OLFM1: variants seen among roughly 807,000 people sequenced by gnomAD.
OLFM1 encodes noelin.
In OLFM1, 9 loss-of-function variants were observed where a neutral mutation model predicts 49.7. The observed-to-expected ratio is 0.18, with a 90% CI of 0.11 to 0.32. OLFM1 has a LOEUF of 0.32. Ranked by LOEUF, OLFM1 falls within the 10% of genes least tolerant of loss-of-function variation. The probability of loss-of-function intolerance (pLI) is 1.00; values close to 1 mark genes in which losing one functional copy is unlikely to be tolerated. For missense variants in OLFM1, 369 were observed against 661.8 expected (o/e 0.56, Z 4.85); for synonymous variants, 240 against 271.8 (o/e 0.88, Z 1.15).
chr9:135,107,160 G>A (rs1830957302), intron 5 of OLFM1, among the ~76,000 whole-genome samples: 2 of 69,336 alleles, frequency 2.9e-5, no homozygotes, highest in Non-Finnish European at 6.2e-5. Flanking sequence ...GCTGGGCTGG[G>A]CTGGGCTGGG....
chr9:135,081,426 G>A (rs1588201155), intron 1 of OLFM1, among the ~76,000 whole-genome samples: 2 of 152,088 alleles, frequency 1.3e-5, no homozygotes, highest in Admixed American at 6.5e-5. Flanking sequence ...ACACGTGCAC[G>A]GCCGGCTGCT....
chr9:135,090,437 G>C, intron 2 of OLFM1, 93 bp downstream of exon 2: 2 of 1,341,356 alleles, frequency 1.5e-6, no homozygotes, highest in Non-Finnish European at 2.0e-6. Flanking sequence ...CCAGCACCAA[G>C]GCTTGGCTAG....
In OLFM1 at chr9:135,077,608, C is replaced by T. The variant is rs1009475419; in HGVS notation, c.96+1806C>T. On this transcript the variant is annotated intron_variant, in intron 1 of 5. Transcript: ENST00000252854. ...CCACCTTCAGGACCCTGGTCAGCTC[C>T]GCCAGCCCACAGCCTCCGCGGGTCA... Among the ~76,000 whole-genome samples, 9 of 152,300 alleles carry T rather than the reference C, an allele frequency of 5.9e-5. No individual in the cohort carries two copies. In the East Asian group the frequency reaches 9.7e-4, roughly 16 times the overall value.
rs749817369 is a variant in OLFM1, at chr9:135,113,089, C to G, written c.783+6234C>G. ...CGTGCACGCTTCCTAATGCACAGAGCATGTGGCAGCTGGCACAGCTGGCCA... is the reference window on the plus strand; with the variant it reads ...CGTGCACGCTTCCTAATGCACAGAGGATGTGGCAGCTGGCACAGCTGGCCA... On this transcript the variant is annotated intron_variant, in intron 5 of 5. Coordinates refer to ENST00000371793, the MANE Select transcript of OLFM1 (RefSeq NM_001282611.2). The surrounding 1 kb of genome is among the most constrained non-coding windows in gnomAD (Gnocchi z 4.0). 3.9e-5 allele frequency among the ~76,000 whole-genome samples: 6 copies of G among 152,174 alleles called. No individual in the cohort carries two copies. Among genetic ancestry groups the G allele is most frequent in the Non-Finnish European group, 8.8e-5 (6 of 68,034 alleles).
chr9:135,099,241 G>A (rs1375369458), intron 4 of OLFM1, among the ~76,000 whole-genome samples: 3 of 152,098 alleles, frequency 2.0e-5, no homozygotes, highest in Non-Finnish European at 4.4e-5. Context: ...TTAGCCATCC[G>A]TCCTCACCAA....
rs538868331 is a variant in OLFM1 at position 135,077,104 on chromosome 9, G to A, written c.96+1302G>A. 1.3e-4 allele frequency: 202 copies of A among 1,550,598 alleles called. No individual in the cohort carries two copies. In the African/African-American group the frequency reaches 2.7e-3, roughly 20 times the overall value. On this transcript the variant is annotated intron_variant, in intron 1 of 5. Coordinates refer to the OLFM1 transcript ENST00000252854. ...CTTGGCCCCAGGAAGGCCTGGTGGA[G>A]GGTGGTGGTTGTGCACTGTTGCTGG...
At chr9:135,102,658 G>T (rs940295781) in intron 4 of OLFM1, among the ~76,000 whole-genome samples, 1 of 152,192 alleles carries the variant, frequency 6.6e-6, no homozygotes, top group African/African-American at 2.4e-5. Flanking sequence ...ATGCAGCATG[G>T]TTCTCAGCTT....
intron 2 of OLFM1, among the ~76,000 whole-genome samples, chr9:135,094,847 A>G (rs112099095): frequency 0.015 from 2,244 of 152,304 alleles, 27 homozygotes; most frequent in South Asian, 0.032. Flanking sequence ...TGTTCCTAGA[A>G]GGGAGAGTAT....
intron 1 of OLFM1, chr9:135,076,739 G>T: frequency 6.8e-7 from 1 of 1,463,372 alleles, no homozygotes; most frequent in Non-Finnish European, 9.0e-7. Flanking sequence ...GTGATGGGCA[G>T]CCAGTACCTT....
At chr9:135,079,197 C>T (rs530320781) in intron 1 of OLFM1, among the ~76,000 whole-genome samples, 75 of 152,288 alleles carry the variant, frequency 4.9e-4, no homozygotes, top group Non-Finnish European at 9.1e-4. Context: ...GAAGTGTCTG[C>T]ACCGAGTGCT....
Position 135,098,175 on chromosome 9 carries a change from A to T in OLFM1, c.457-111A>T. On this transcript the variant is annotated intron_variant, in intron 3 of 5. Coordinates refer to ENST00000371793, the MANE Select transcript of OLFM1 (RefSeq NM_001282611.2). This position sits in a 1 kb window ranked among gnomAD's most constrained non-coding sequence, Gnocchi z 5.6. ...TTGGACCAGAACAAATAAGCCTGTA[A>T]ATAAAGCGGGAATATACACACTTTC... is the stretch of plus-strand genomic sequence containing the variant. The T allele has an allele frequency of 1.4e-6, 2 of 1,468,802 alleles. No homozygotes were observed. Among genetic ancestry groups the T allele is most frequent in the Non-Finnish European group, 1.8e-6 (2 of 1,107,348 alleles). 91.0% of individuals were successfully genotyped at this position (1,468,802 alleles called of 1,614,324 possible). A position where few individuals can be genotyped will look rare whatever the true frequency, so the allele number is the denominator to read the frequency against.
In OLFM1 at chr9:135,080,990, T is replaced by C. The variant is rs1830525085; in HGVS notation, c.96+5188T>C. Among the ~76,000 whole-genome samples the C allele has an allele frequency of 1.3e-5, 2 of 151,108 alleles. No individual in the cohort carries two copies. ...TAAATAATAATGATAGTAAATAATATACTATATAAGATAAATAATGTAAGA... is the reference window on the plus strand; with the variant it reads ...TAAATAATAATGATAGTAAATAATACACTATATAAGATAAATAATGTAAGA... On this transcript the variant is annotated intron_variant, in intron 1 of 5. Transcript: ENST00000252854. The surrounding 1 kb of genome is among the most constrained non-coding windows in gnomAD (Gnocchi z 4.5).
At chr9:135,100,850 C>A (rs1211000073) in intron 4 of OLFM1, among the ~76,000 whole-genome samples, 1 of 151,974 alleles carries the variant, frequency 6.6e-6, no homozygotes. Context: ...TGCTGGTAGG[C>A]AGGTAGGTCG....
chr9:135,076,343 TGGCTTAATATGCAG>T (rs1830466094), intron 1 of OLFM1: 9 of 1,546,722 alleles, frequency 5.8e-6, no homozygotes, highest in Non-Finnish European at 7.9e-6. Flanking sequence ...TGTGCATTGC[TGGCTTAATATGCAG>T]GGCTTGGGGG....
chr9:135,090,407 T>G, intron 2 of OLFM1, 63 bp downstream of exon 2: 1 of 1,510,988 alleles, frequency 6.6e-7, no homozygotes, highest in Non-Finnish European at 9.0e-7. Flanking sequence ...TGTGTGTGTG[T>G]ACATGCCTGT....
upstream of OLFM1, chr9:135,087,492 T>C: frequency 6.8e-7 from 1 of 1,471,292 alleles, no homozygotes; most frequent in East Asian, 2.7e-5. Context: ...CATGTCACCC[T>C]GATCCCAACT....
Position 135,117,481 on chromosome 9 carries a change from A to C in OLFM1, c.784-2023A>C, listed in dbSNP as rs949339261. Among the ~76,000 whole-genome samples the C allele has an allele frequency of 6.6e-6, 1 of 152,088 alleles. No homozygotes were observed. Among genetic ancestry groups the C allele is most frequent in the Non-Finnish European group, 1.5e-5 (1 of 68,008 alleles). Reference sequence around the variant, plus strand: ...GCCTTGAGCGTGGTGTCTTGTTGGGATATGGGAGCTGGCCCGCCCCGGTGA... The same window carrying C: ...GCCTTGAGCGTGGTGTCTTGTTGGGCTATGGGAGCTGGCCCGCCCCGGTGA... On this transcript the variant is annotated intron_variant, in intron 5 of 5. Coordinates refer to ENST00000371793, the MANE Select transcript of OLFM1 (RefSeq NM_001282611.2). The surrounding 1 kb of genome is among the most constrained non-coding windows in gnomAD (Gnocchi z 5.5).
upstream of OLFM1, chr9:135,087,550 C>A (rs1564268317): frequency 3.4e-6 from 4 of 1,190,786 alleles, no homozygotes; most frequent in Non-Finnish European, 3.3e-6. Context: ...AGCCAGGGGG[C>A]GGCGGGGAGC....
Position 135,088,049 on chromosome 9 carries a change from C to T in OLFM1, c.60C>T (p.Asn20=), listed in dbSNP as rs112126627. Residue 20 remains asparagine, a synonymous_variant, in exon 1 of 6, where the codon AAC becomes AAT. Transcript: ENST00000371793. The surrounding 1 kb of genome is among the most constrained non-coding windows in gnomAD (Gnocchi z 4.8). ...VVLSTMAMIT[N]WMSQTLPSLV... is the part of the protein sequence containing the mutation. ...TGAGCACCATGGCCATGATCACTAA[C>T]TGGATGTCCCAGACGCTGCCCTCGC... The T allele has an allele frequency of 9.0e-6, 13 of 1,450,836 alleles. No homozygotes were observed. Among genetic ancestry groups the T allele is most frequent in the African/African-American group, 8.8e-5 (6 of 68,116 alleles). The allele number at this position is 1,450,836 out of a possible 1,614,324, so 89.9% of individuals were successfully genotyped here.
Sources: gnomAD v4.1 joint callset for allele counts (sites outside exome capture counted in the v4.1 genomes callset) on GRCh38, gnomAD v4.1.1 for gene constraint, Gnocchi (gnomAD v3.1) non-coding constraint, MANE v1.5 for transcripts, NCBI Gene and HGNC (gene_info 2026-07-23, HGNC 2026-07-21) for gene names.